ANXA8: variants seen among roughly 807,000 people sequenced by gnomAD.
ANXA8 encodes the protein annexin A8, also known as VAC-beta.
A neutral mutation model predicts 26.8 loss-of-function variants in ANXA8; 9 were observed. That is an observed-to-expected ratio of 0.34 (90% CI 0.20 to 0.59). The LOEUF (loss-of-function observed/expected upper bound fraction) is 0.59. ANXA8 is among the 20% of genes least tolerant of loss of function. ANXA8 has a pLI of 0.84. For synonymous variants in ANXA8, 39 were observed against 94.8 expected (o/e 0.41, Z 3.42); for missense variants, 83 against 238.5 (o/e 0.35, Z 4.29).
At chr10:47,941,192 A>G in the ANXA8 span, among the ~76,000 whole-genome samples, 1 of 146,324 alleles carries the variant, frequency 6.8e-6, no homozygotes, top group African/African-American at 2.6e-5. Context: ...GTAAGCAGAC[A>G]CCTGGCAGTA....
the ANXA8 span, chr10:47,565,200 C>T: frequency 3.1e-6 from 2 of 650,668 alleles, no homozygotes; most frequent in African/African-American, 3.7e-5. Context: ...GGCACCCCCT[C>T]AGGAATGCAG....
chr10:47,743,327 T>TATAC, the ANXA8 span, among the ~76,000 whole-genome samples: 1 of 40,336 alleles, frequency 2.5e-5, no homozygotes, highest in African/African-American at 7.6e-5. Flanking sequence ...TATATATATA[T>TATAC]ACATATATAT....
the ANXA8 span, among the ~76,000 whole-genome samples, chr10:47,495,717 C>G: frequency 6.8e-6 from 1 of 146,884 alleles, no homozygotes; most frequent in African/African-American, 2.6e-5. Context: ...ATACACACAT[C>G]AAACTCAACT....
At chr10:47,949,687 A>T in the ANXA8 span, among the ~76,000 whole-genome samples, 1 of 150,198 alleles carries the variant, frequency 6.7e-6, no homozygotes, top group South Asian at 2.1e-4. Flanking sequence ...GTGTTATAAT[A>T]GTATATTTGT....
chr10:47,669,743 C>A, the ANXA8 span, among the ~76,000 whole-genome samples: 25 of 151,992 alleles, frequency 1.6e-4, no homozygotes, highest in Middle Eastern at 6.8e-3. Flanking sequence ...ACCCCAAAAA[C>A]CTTATTAGTA....
At chr10:47,665,789 T>C in the ANXA8 span, among the ~76,000 whole-genome samples, 4 of 151,706 alleles carry the variant, frequency 2.6e-5, no homozygotes, top group Non-Finnish European at 5.9e-5. Context: ...CCTTTGTTTA[T>C]TGCCTGGGAT....
chr10:47,689,982 T>A, the ANXA8 span: 1 of 1,593,408 alleles, frequency 6.3e-7, no homozygotes, highest in South Asian at 1.1e-5. Flanking sequence ...AAGATGACTT[T>A]GTACGTTCTG....
the ANXA8 span, among the ~76,000 whole-genome samples, chr10:47,776,205 A>T: frequency 1.3e-5 from 2 of 150,434 alleles, no homozygotes; most frequent in African/African-American, 4.9e-5. Flanking sequence ...TCAAATCCTC[A>T]TGCATCCTTA....
chr10:47,949,827 A>C, the ANXA8 span, among the ~76,000 whole-genome samples: 3 of 149,556 alleles, frequency 2.0e-5, no homozygotes, highest in Non-Finnish European at 4.4e-5. Flanking sequence ...AAAGAAATCA[A>C]GAAAAGAGAA....
chr10:47,694,784 T>C, the ANXA8 span, among the ~76,000 whole-genome samples: 5 of 151,672 alleles, frequency 3.3e-5, no homozygotes, highest in African/African-American at 1.2e-4. Context: ...CAGTAGACAG[T>C]TTGCTATTAT....
chr10:47,495,204 C>G, the ANXA8 span, among the ~76,000 whole-genome samples: 1 of 148,766 alleles, frequency 6.7e-6, no homozygotes, highest in Non-Finnish European at 1.5e-5. Flanking sequence ...AACAGAGAAA[C>G]AGAGAATTCC....
At chr10:47,660,588 A>T in the ANXA8 span, among the ~76,000 whole-genome samples, 1 of 151,484 alleles carries the variant, frequency 6.6e-6, no homozygotes, top group African/African-American at 2.4e-5. Flanking sequence ...TTTTGTAGAG[A>T]TGGGGTTTCG....
chr10:47,698,073 G>T, the ANXA8 span, among the ~76,000 whole-genome samples: 1 of 151,200 alleles, frequency 6.6e-6, no homozygotes. Flanking sequence ...TGTGGGTCTG[G>T]GGATCAGGGA....
chr10:47,659,172 T>G, the ANXA8 span, among the ~76,000 whole-genome samples: 1 of 151,692 alleles, frequency 6.6e-6, no homozygotes, highest in Non-Finnish European at 1.5e-5. Context: ...CACCCGGCTG[T>G]GTTGAAGTTT....
At chr10:47,980,894 TAAAA>T in the ANXA8 span, among the ~76,000 whole-genome samples, 3 of 151,476 alleles carry the variant, frequency 2.0e-5, no homozygotes, top group African/African-American at 7.3e-5. Context: ...CCCAAACATT[TAAAA>T]AAGATTATTG....
chr10:47,650,573 A>G, the ANXA8 span, among the ~76,000 whole-genome samples: 2,805 of 147,192 alleles, frequency 0.019, 17 homozygotes, highest in Non-Finnish European at 0.03. Context: ...TTGGGAGGCC[A>G]AGGTGGGCGG....
At chr10:47,664,148 A>G in the ANXA8 span, among the ~76,000 whole-genome samples, 5,128 of 145,314 alleles carry the variant, frequency 0.035, 345 homozygotes, top group African/African-American at 0.14. Context: ...AGGCCAAGGC[A>G]GCAGATCACC....
At chr10:47,940,710 T>A in the ANXA8 span, among the ~76,000 whole-genome samples, 2 of 146,414 alleles carry the variant, frequency 1.4e-5, no homozygotes, top group Admixed American at 1.4e-4. Context: ...GCGTCTGTAA[T>A]CCCAGCTACT....
chr10:47,496,114 G>A, the ANXA8 span: 4 of 151,592 alleles, frequency 2.6e-5, no homozygotes, highest in East Asian at 7.8e-4. Flanking sequence ...TGGTACAGAG[G>A]TGAGGCTGAC....
Sources: gnomAD v4.1 joint callset for allele counts (sites outside exome capture counted in the v4.1 genomes callset) on GRCh38, gnomAD v4.1.1 for gene constraint, MANE v1.5 for transcripts, NCBI Gene and HGNC (gene_info 2026-07-23, HGNC 2026-07-21) for gene names.